The following TMEFF2 variants were observed in gnomAD, a reference collection of about 807,000 sequenced individuals.
TMEFF2 encodes the protein transmembrane protein with EGF like and two follistatin like domains 2, also known as tomoregulin-2.
TMEFF2 carries 28 observed loss-of-function variants against 53.8 expected under a neutral mutation model. The observed-to-expected ratio is 0.52, with a 90% CI of 0.39 to 0.71. The LOEUF is 0.71. TMEFF2 is among the 30% of genes least tolerant of loss of function. TMEFF2 has a pLI of 0.00. For synonymous variants in TMEFF2, 162 were observed against 166.3 expected, an observed-to-expected ratio of 0.97 and a Z score of 0.20; for missense variants, 353 against 455.2, an observed-to-expected ratio of 0.78 and a Z score of 2.04.
chr2:192,049,871 A>G (rs1574326546), intron 5 of TMEFF2, among the ~76,000 whole-genome samples: 1 of 151,900 alleles, frequency 6.6e-6, no homozygotes, highest in Non-Finnish European at 1.5e-5. Flanking sequence ...CGTGGTGGCG[A>G]CCGCCTGTAG....
At chr2:192,181,862 A>T (rs879263666) in intron 3 of TMEFF2, among the ~76,000 whole-genome samples, 2 of 151,840 alleles carry the variant, frequency 1.3e-5, no homozygotes, top group Admixed American at 6.6e-5. Context: ...TAGAAAAATG[A>T]TCACTTAAGT....
At chr2:192,114,550 T>TATAA (rs1689355457) in intron 4 of TMEFF2, among the ~76,000 whole-genome samples, 1 of 150,778 alleles carries the variant, frequency 6.6e-6, no homozygotes, top group African/African-American at 2.4e-5. Context: ...TATATATATA[T>TATAA]AACTCTAAAG....
chr2:192,010,072 T>C (rs1457404698), intron 5 of TMEFF2, among the ~76,000 whole-genome samples: 1 of 152,232 alleles, frequency 6.6e-6, no homozygotes, highest in Non-Finnish European at 1.5e-5. Flanking sequence ...TGTTTCTTTG[T>C]AAACAACTAT....
chr2:192,108,740 T>C (rs770531646), intron 4 of TMEFF2, among the ~76,000 whole-genome samples: 3 of 152,020 alleles, frequency 2.0e-5, no homozygotes, highest in Admixed American at 6.6e-5. Context: ...AACAGATACC[T>C]GTACGCCAAT....
chr2:192,089,320 C>A (rs1688735751), intron 4 of TMEFF2, among the ~76,000 whole-genome samples: 1 of 150,198 alleles, frequency 6.7e-6, no homozygotes, highest in Non-Finnish European at 1.5e-5. Flanking sequence ...AGGTAAGCAG[C>A]CTAGGGACCA....
chr2:192,023,083 C>T (rs984145798), intron 5 of TMEFF2, among the ~76,000 whole-genome samples: 10 of 151,950 alleles, frequency 6.6e-5, no homozygotes, highest in Non-Finnish European at 1.2e-4. Flanking sequence ...GCAAGTTGTA[C>T]GGATTGTGAT....
chr2:192,143,312 G>A (rs1690179532), intron 4 of TMEFF2, among the ~76,000 whole-genome samples: 1 of 152,158 alleles, frequency 6.6e-6, no homozygotes, highest in Non-Finnish European at 1.5e-5. Flanking sequence ...TACCCTGAAA[G>A]AGTGGTCTAC....
chr2:192,008,972 AACAG>A (rs1686565087), intron 5 of TMEFF2, among the ~76,000 whole-genome samples: 2 of 152,238 alleles, frequency 1.3e-5, no homozygotes, highest in African/African-American at 4.8e-5. Flanking sequence ...GATAAGAAAC[AACAG>A]ACAAATTACA....
chr2:191,974,601 G>A (rs1574258153), intron 7 of TMEFF2, among the ~76,000 whole-genome samples: 1 of 151,898 alleles, frequency 6.6e-6, no homozygotes, highest in Admixed American at 6.6e-5. Context: ...TTTACATCTG[G>A]TCTTTTTACT....
intron 4 of TMEFF2, among the ~76,000 whole-genome samples, chr2:192,141,459 G>GAAAAAAAAA (rs397987092): frequency 9.3e-6 from 1 of 107,226 alleles, no homozygotes; most frequent in Non-Finnish European, 1.8e-5. Flanking sequence ...TCTCAAAAAA[G>GAAAAAAAAA]AAAAAAAAAA....
chr2:192,049,729 C>G (rs76364197), intron 5 of TMEFF2, among the ~76,000 whole-genome samples: 4,326 of 152,270 alleles, frequency 0.028, 76 homozygotes, highest in East Asian at 0.072. Context: ...AGGCCAGGTG[C>G]GATGGCTTAT....
intron 5 of TMEFF2, among the ~76,000 whole-genome samples, chr2:192,015,280 A>G (rs1686718476): frequency 6.9e-6 from 1 of 144,140 alleles, no homozygotes. Context: ...AAAATGGTTC[A>G]ATGGCATTCT....
chr2:192,054,359 G>A (rs1325269094), intron 5 of TMEFF2, among the ~76,000 whole-genome samples: 3 of 152,144 alleles, frequency 2.0e-5, no homozygotes, highest in East Asian at 3.9e-4. Context: ...AGTTCTTGAC[G>A]AGTTTTTCTG....
chr2:192,141,811 C>T (rs1479372707), intron 4 of TMEFF2, among the ~76,000 whole-genome samples: 1 of 152,026 alleles, frequency 6.6e-6, no homozygotes, highest in Non-Finnish European at 1.5e-5. Context: ...AAGAAGGTGA[C>T]CAAAATCGAA....
rs192796443 is a variant in TMEFF2, at chr2:192,017,059, T to C, written c.537-17851A>G. Among the ~76,000 whole-genome samples the C allele has an allele frequency of 2.3e-3, 352 of 152,302 alleles. 2 individuals carry two copies. Among genetic ancestry groups the C allele is most frequent in the Middle Eastern group, 0.017 (5 of 294 alleles). On this transcript the variant is annotated intron_variant, in intron 5 of 9. Transcript: ENST00000272771. ...GAAGGAATGTAAGTCGAGTAGGACTTGGTCGGGCACAGAAGTGGGAGACAA... is the reference window on the plus strand; with the variant it reads ...GAAGGAATGTAAGTCGAGTAGGACTCGGTCGGGCACAGAAGTGGGAGACAA...
chr2:191,961,152 T>TA (rs1247681739), intron 7 of TMEFF2, among the ~76,000 whole-genome samples: 10 of 152,324 alleles, frequency 6.6e-5, no homozygotes, highest in Non-Finnish European at 1.0e-4. Context: ...GGGTATAAAA[T>TA]ATCTTAAATT....
intron 4 of TMEFF2, among the ~76,000 whole-genome samples, chr2:192,146,613 C>T (rs975496203): frequency 4.6e-5 from 7 of 151,894 alleles, no homozygotes; most frequent in Non-Finnish European, 7.4e-5. Context: ...AATTTGTAAG[C>T]TTTATAGAGG....
intron 7 of TMEFF2, among the ~76,000 whole-genome samples, chr2:191,970,901 T>C (rs1692619986): frequency 6.6e-6 from 1 of 152,210 alleles, no homozygotes. Context: ...CTCTCAAAAG[T>C]TTCCTACTTT....
At chr2:192,186,175 T>C (rs1574445471) in intron 2 of TMEFF2, among the ~76,000 whole-genome samples, 1 of 152,178 alleles carries the variant, frequency 6.6e-6, no homozygotes, top group Non-Finnish European at 1.5e-5. Context: ...CTTTTGCTAA[T>C]GTTTAACTCA....
Sources: allele counts gnomAD v4.1 joint callset (sites outside exome capture counted in the v4.1 genomes callset), GRCh38; gene constraint gnomAD v4.1.1; transcripts MANE v1.5; gene names NCBI Gene and HGNC (gene_info 2026-07-23, HGNC 2026-07-21).